Variants in CDYL2 observed in about 807,000 individuals in gnomAD.
CDYL2 encodes the protein chromodomain Y-like protein 2.
In CDYL2, 23 loss-of-function variants were observed where a neutral mutation model predicts 49.4. The observed-to-expected ratio is 0.47, with a 90% CI of 0.34 to 0.66. The LOEUF is 0.66. Among genes scored for constraint, CDYL2 ranks in the 30% least tolerant of loss-of-function variants. The pLI is 0.01. For missense variants in CDYL2, 678 were observed against 656.4 expected, an observed-to-expected ratio of 1.03 and a Z score of -0.36; for synonymous variants, 360 against 268.8, an observed-to-expected ratio of 1.34 and a Z score of -3.32.
chr16:80,798,583 T>C (rs531203519), intron 1 of CDYL2, among the ~76,000 whole-genome samples: 3 of 152,252 alleles, frequency 2.0e-5, no homozygotes, highest in Non-Finnish European at 4.4e-5. Context: ...ATAGAGTATA[T>C]ACTACATATA....
rs561762021 is a variant in CDYL2 at position 80,778,015 on chromosome 16, T to TA, written c.24+26134dup. On this transcript the variant is annotated intron_variant, in intron 1 of 6. Transcript: ENST00000570137. The stretch of plus-strand genomic sequence containing the variant: ...GTGTGCTATTAAATATGGAAATTTT[T>TA]AAAAAAATCTGTTACTAAATTATAT... Among the ~76,000 whole-genome samples, 201 of 152,084 alleles carry TA rather than the reference T, an allele frequency of 1.3e-3. 1 individual carries two copies. Among genetic ancestry groups the TA allele is most frequent in the African/African-American group, 4.2e-3 (174 of 41,538 alleles).
At position 80,804,240 on chromosome 16, in the gene CDYL2, C is replaced by A; in HGVS notation, c.-67G>T. On this transcript the variant is annotated 5_prime_UTR_variant, in exon 1 of 7. Transcript: ENST00000570137. Reference sequence around the variant, plus strand: ...CGCTCGCGCCCTCCGTGCGTGTGCGCGCGGGGTCCGGTGTGCGCGTGTGTG... The same window carrying A: ...CGCTCGCGCCCTCCGTGCGTGTGCGAGCGGGGTCCGGTGTGCGCGTGTGTG... 7.6e-7 allele frequency: 1 copy of A among 1,307,838 alleles called. No homozygotes were observed. The allele number at this position is 1,307,838 out of a possible 1,614,324, so 81.0% of individuals were successfully genotyped here.
chr16:80,679,132 G>A (rs1909872827), intron 2 of CDYL2, among the ~76,000 whole-genome samples: 1 of 111,574 alleles, frequency 9.0e-6, no homozygotes, highest in Admixed American at 1.1e-4. Flanking sequence ...GGAGGGGGGA[G>A]GGATAGCATT....
At chr16:80,759,122 A>ATATATATATATATATGGTT (rs1567597500) in intron 1 of CDYL2, among the ~76,000 whole-genome samples, 14 of 127,836 alleles carry the variant, frequency 1.1e-4, no homozygotes, top group South Asian at 2.4e-4. Flanking sequence ...ATATATATAT[A>ATATATATATATATATGGTT]TATATATATA....
chr16:80,659,446 T>C (rs954319685), intron 2 of CDYL2, among the ~76,000 whole-genome samples: 2 of 152,050 alleles, frequency 1.3e-5, no homozygotes, highest in Non-Finnish European at 2.9e-5. Flanking sequence ...CAACGCAAAA[T>C]TTCTTGAATT....
intron 1 of CDYL2, among the ~76,000 whole-genome samples, chr16:80,739,547 G>C (rs981487230): frequency 1.3e-5 from 2 of 152,168 alleles, no homozygotes; most frequent in Non-Finnish European, 2.9e-5. Context: ...AGCCCCAGCG[G>C]GGCAGATTCA....
chr16:80,713,791 C>G (rs1904702238), intron 1 of CDYL2, among the ~76,000 whole-genome samples: 1 of 152,148 alleles, frequency 6.6e-6, no homozygotes, highest in African/African-American at 2.4e-5. Context: ...CATTTCCACT[C>G]TGCTCTCCTG....
intron 2 of CDYL2, among the ~76,000 whole-genome samples, chr16:80,680,291 C>G (rs1049567914): frequency 6.6e-6 from 1 of 152,150 alleles, no homozygotes; most frequent in Admixed American, 6.5e-5. Flanking sequence ...CAACAGTCAT[C>G]AAGATGCAAG....
rs922759808 is a variant in CDYL2 at position 80,764,622 on chromosome 16, G to A, written c.24+39528C>T. On this transcript the variant is annotated intron_variant, in intron 1 of 6. Coordinates refer to ENST00000570137, the MANE Select transcript of CDYL2 (RefSeq NM_152342.4). ...AGAGGTGAAAAACATGCTCAGGTAT[G>A]TTAATAAACTGTCATGAGATACTAG... Among the ~76,000 whole-genome samples the A allele has an allele frequency of 3.9e-5, 6 of 152,286 alleles. No individual in the cohort carries two copies. In the South Asian group the frequency reaches 1.2e-3, roughly 32 times the overall value.
chr16:80,614,563 C>T (rs145725380), intron 4 of CDYL2, among the ~76,000 whole-genome samples: 108 of 152,306 alleles, frequency 7.1e-4, no homozygotes, highest in Non-Finnish European at 6.9e-4. Flanking sequence ...ACAGCTAATA[C>T]TTAACTAATA....
intron 1 of CDYL2, among the ~76,000 whole-genome samples, chr16:80,794,815 G>T (rs887361867): frequency 6.6e-6 from 1 of 151,902 alleles, no homozygotes; most frequent in Non-Finnish European, 1.5e-5. Context: ...GTTTCTCCAT[G>T]TTGGTCAGGC....
chr16:80,789,659 T>A (rs1330462607), intron 1 of CDYL2, among the ~76,000 whole-genome samples: 1 of 151,560 alleles, frequency 6.6e-6, no homozygotes, highest in Non-Finnish European at 1.5e-5. Flanking sequence ...AGCAAAGTCA[T>A]GAAACCAATT....
rs182383476 is a variant in CDYL2, at chr16:80,789,256, G to T, written c.24+14894C>A. On this transcript the variant is annotated intron_variant, in intron 1 of 6. Coordinates refer to ENST00000570137, the MANE Select transcript of CDYL2 (RefSeq NM_152342.4). ...AAAAATAGAACTACTGTTCAACCCA[G>T]CAATCCCATTACTGGGTATCTACCC... Among the ~76,000 whole-genome samples, 372 of 152,258 alleles carry T rather than the reference G, an allele frequency of 2.4e-3. 2 individuals are homozygous for T. The highest frequency in any genetic ancestry group is 0.014 in the Middle Eastern group (4 of 294).
chr16:80,749,240 C>G (rs1164589652), intron 1 of CDYL2, among the ~76,000 whole-genome samples: 3 of 152,062 alleles, frequency 2.0e-5, no homozygotes, highest in African/African-American at 7.2e-5. Context: ...AACTGAATAC[C>G]TAGCAATGTC....
intron 1 of CDYL2, among the ~76,000 whole-genome samples, chr16:80,786,303 G>T (rs1443074777): frequency 6.6e-6 from 1 of 152,144 alleles, no homozygotes; most frequent in Non-Finnish European, 1.5e-5. Context: ...AATGGGCAAA[G>T]GATATGAACA....
At chr16:80,769,319 G>C (rs1236397675) in intron 1 of CDYL2, among the ~76,000 whole-genome samples, 1 of 152,210 alleles carries the variant, frequency 6.6e-6, no homozygotes, top group Non-Finnish European at 1.5e-5. Flanking sequence ...AAAAGCATGA[G>C]TTAATGGAGG....
At chr16:80,654,774 G>A (rs79329974) in intron 2 of CDYL2, among the ~76,000 whole-genome samples, 5,395 of 152,318 alleles carry the variant, frequency 0.035, 246 homozygotes, top group African/African-American at 0.1. Flanking sequence ...TGAAGCCCCA[G>A]TTTTGTATTG....
chr16:80,627,659 T>C (rs1426472807), intron 3 of CDYL2: 2 of 152,242 alleles, frequency 1.3e-5, no homozygotes, highest in Admixed American at 6.5e-5. Flanking sequence ...GTTCCGAAAT[T>C]AGTCCACATT....
At chr16:80,655,198 C>A (rs1031751080) in intron 2 of CDYL2, among the ~76,000 whole-genome samples, 1 of 152,202 alleles carries the variant, frequency 6.6e-6, no homozygotes, top group Non-Finnish European at 1.5e-5. Flanking sequence ...CTAGTTAGTC[C>A]ATTTTACAGA....
Sources: gnomAD v4.1 joint callset for allele counts (sites outside exome capture counted in the v4.1 genomes callset) on GRCh38, gnomAD v4.1.1 for gene constraint, MANE v1.5 for transcripts, NCBI Gene and HGNC (gene_info 2026-07-23, HGNC 2026-07-21) for gene names.